The following RBFOX1 variants were observed in gnomAD, a reference collection of about 807,000 sequenced individuals.
The protein encoded by RBFOX1 is RNA binding protein fox-1 homolog 1.
RBFOX1 carries 8 observed loss-of-function variants against 57.7 expected under a neutral mutation model. The ratio of observed to expected loss-of-function variants is 0.14; its 90% CI spans 0.08 to 0.25. RBFOX1 has a LOEUF of 0.25. RBFOX1 is among the 10% of genes least tolerant of loss of function. The pLI, the probability that RBFOX1 is intolerant of heterozygous loss-of-function variation, is 1.00. For missense variants in RBFOX1, 611 were observed against 548.5 expected, an observed-to-expected ratio of 1.11 and a Z score of -1.14; for synonymous variants, 326 against 222.4, an observed-to-expected ratio of 1.47 and a Z score of -4.15.
chr16:6,841,700 G>C (rs2093472015), intron 3 of RBFOX1, among the ~76,000 whole-genome samples: 1 of 152,074 alleles, frequency 6.6e-6, no homozygotes, highest in Admixed American at 6.5e-5. Context: ...TGGAGGCATT[G>C]TCAGGGCACA....
At chr16:5,544,740 G>C (rs1262974502) in intron 2 of RBFOX1, among the ~76,000 whole-genome samples, 1 of 151,972 alleles carries the variant, frequency 6.6e-6, no homozygotes, top group African/African-American at 2.4e-5. Flanking sequence ...ATATCTTAAA[G>C]ATAATATGGG....
At chr16:7,232,093 G>A (rs537974445) in intron 4 of RBFOX1, among the ~76,000 whole-genome samples, 1 of 151,970 alleles carries the variant, frequency 6.6e-6, no homozygotes, top group East Asian at 1.9e-4. Context: ...TGGCACAATC[G>A]GCTCACTGCA....
intron 1 of RBFOX1, among the ~76,000 whole-genome samples, chr16:6,233,773 C>A (rs530311251): frequency 6.6e-6 from 1 of 152,150 alleles, no homozygotes; most frequent in South Asian, 2.1e-4. Context: ...CATGCCCATC[C>A]CAACTTTATT....
At chr16:6,161,022 G>A (rs2096874642) in intron 1 of RBFOX1, among the ~76,000 whole-genome samples, 1 of 152,194 alleles carries the variant, frequency 6.6e-6, no homozygotes, top group African/African-American at 2.4e-5. Context: ...GCACAGTGGT[G>A]TTTCCCAGCT....
At chr16:7,523,813 A>G (rs2078045652) in intron 5 of RBFOX1, among the ~76,000 whole-genome samples, 1 of 151,448 alleles carries the variant, frequency 6.6e-6, no homozygotes, top group South Asian at 2.1e-4. Flanking sequence ...GTGACTTTTC[A>G]GTTATCCTTT....
At chr16:5,932,347 C>A (rs1025446596) in intron 4 of RBFOX1, among the ~76,000 whole-genome samples, 1 of 152,198 alleles carries the variant, frequency 6.6e-6, no homozygotes, top group African/African-American at 2.4e-5. Flanking sequence ...AAAACAGAGC[C>A]TCAGTCCTGA....
chr16:6,988,969 G>A (rs1022879345), intron 3 of RBFOX1, among the ~76,000 whole-genome samples: 8 of 151,946 alleles, frequency 5.3e-5, no homozygotes, highest in Non-Finnish European at 2.9e-5. Flanking sequence ...TCCCATGTTG[G>A]CTAGGCTGCT....
At chr16:6,056,255 G>C (rs2095613098) in intron 1 of RBFOX1, among the ~76,000 whole-genome samples, 1 of 152,152 alleles carries the variant, frequency 6.6e-6, no homozygotes. Context: ...GGGGAGTGTA[G>C]GGATAAAGCA....
At position 6,385,760 on chromosome 16, in the gene RBFOX1, C is replaced by T. The variant is rs544444322; in HGVS notation, c.-64+68703C>T. Among the ~76,000 whole-genome samples the T allele has an allele frequency of 2.6e-5, 4 of 152,310 alleles. No homozygotes were observed. The East Asian group carries it at 7.7e-4, about 29-fold the overall frequency. On this transcript the variant is annotated intron_variant, in intron 2 of 15. Coordinates refer to ENST00000550418, the MANE Select transcript of RBFOX1 (RefSeq NM_018723.4). ...CAGTGACTCATGCGTCACGTCTACA[C>T]ATCGTATTTAGCAAAAAGCTAAGCA...
chr16:6,666,127 G>T (rs9931020), intron 3 of RBFOX1, among the ~76,000 whole-genome samples: 155 of 152,074 alleles, frequency 1.0e-3, no homozygotes, highest in Middle Eastern at 3.4e-3. Flanking sequence ...TATGAGACCT[G>T]CCAGCCACAT....
chr16:6,405,496 T>G (rs1337988657), intron 2 of RBFOX1, among the ~76,000 whole-genome samples: 2 of 152,104 alleles, frequency 1.3e-5, no homozygotes, highest in Non-Finnish European at 2.9e-5. Context: ...GTCAGCATGA[T>G]GGGAAAGAAA....
chr16:7,672,070 A>G (rs530809174), intron 13 of RBFOX1, among the ~76,000 whole-genome samples: 2 of 152,186 alleles, frequency 1.3e-5, no homozygotes, highest in African/African-American at 4.8e-5. Flanking sequence ...CTCATGTGCA[A>G]CATTAAGGGC....
At chr16:7,057,813 G>A (rs2153742205) in intron 4 of RBFOX1, among the ~76,000 whole-genome samples, 1 of 152,164 alleles carries the variant, frequency 6.6e-6, no homozygotes, top group Admixed American at 6.5e-5. Flanking sequence ...TTGGAGACTA[G>A]CCTAGCCAAC....
At chr16:6,903,602 G>C (rs563521127) in intron 3 of RBFOX1, among the ~76,000 whole-genome samples, 2 of 152,152 alleles carry the variant, frequency 1.3e-5, no homozygotes, top group Non-Finnish European at 2.9e-5. Flanking sequence ...TGGTGGGGAG[G>C]TTTCAGTCAA....
At chr16:5,472,830 C>A (rs2069184042) in intron 2 of RBFOX1, among the ~76,000 whole-genome samples, 1 of 152,200 alleles carries the variant, frequency 6.6e-6, no homozygotes, top group Admixed American at 6.5e-5. Flanking sequence ...AAGCTGCACG[C>A]CTGTCTGCAT....
At chr16:7,593,309 T>C (rs779481765) in intron 7 of RBFOX1, among the ~76,000 whole-genome samples, 17 of 152,156 alleles carry the variant, frequency 1.1e-4, no homozygotes, top group Admixed American at 6.5e-5. Flanking sequence ...TGCGGCTAAG[T>C]TTGAGATATA....
chr16:5,819,984 C>T (rs906785803), intron 3 of RBFOX1, among the ~76,000 whole-genome samples: 1 of 152,352 alleles, frequency 6.6e-6, no homozygotes, highest in East Asian at 1.9e-4. Flanking sequence ...TACAAGCCAA[C>T]ATCCCCCACC....
intron 4 of RBFOX1, among the ~76,000 whole-genome samples, chr16:7,127,779 G>A (rs1252829118): frequency 6.6e-6 from 1 of 152,206 alleles, no homozygotes; most frequent in South Asian, 2.1e-4. Flanking sequence ...GAGGCAGGCT[G>A]AAGCCTTGGC....
chr16:6,983,602 A>G (rs1023111010), intron 3 of RBFOX1: 7 of 152,194 alleles, frequency 4.6e-5, no homozygotes, highest in African/African-American at 1.7e-4. Context: ...CATTGGCAAC[A>G]TGGCAACTTT....
Sources: allele counts gnomAD v4.1 joint callset (sites outside exome capture counted in the v4.1 genomes callset), GRCh38; gene constraint gnomAD v4.1.1; transcripts MANE v1.5; gene names NCBI Gene and HGNC (gene_info 2026-07-23, HGNC 2026-07-21).